DMXL1: variants seen among roughly 807,000 people sequenced by gnomAD.
DMXL1 encodes the protein dmX-like protein 1.
A neutral mutation model predicts 319.2 loss-of-function variants in DMXL1; 99 were observed. That is an observed-to-expected ratio of 0.31 (90% CI 0.26 to 0.37). The LOEUF is 0.37. Ranked by LOEUF, DMXL1 falls within the 10% of genes least tolerant of loss-of-function variation. DMXL1 has a pLI of 1.00. For missense variants in DMXL1, 3,745 were observed against 3,595.6 expected, an observed-to-expected ratio of 1.04 and a Z score of -1.06; for synonymous variants, 1,385 against 1,235.2, an observed-to-expected ratio of 1.12 and a Z score of -2.54.
intron 19 of DMXL1, among the ~76,000 whole-genome samples, chr5:119,162,451 C>G (rs1278255985): frequency 6.6e-6 from 1 of 152,162 alleles, no homozygotes; most frequent in Non-Finnish European, 1.5e-5. Context: ...GATTTGGTGT[C>G]TGGTAAGGGC....
Position 119,132,601 on chromosome 5 carries a change from C to T in DMXL1, c.1316-531C>T, listed in dbSNP as rs575387359. 5.0e-4 allele frequency: 147 copies of T among 295,632 alleles called. 2 individuals carry two copies. In the Middle Eastern group the frequency reaches 0.01, roughly 20 times the overall value. 18.3% of individuals were successfully genotyped at this position (295,632 alleles called of 1,614,324 possible). On this transcript the variant is annotated intron_variant, in intron 10 of 43. Transcript: ENST00000539542. ...AGGCTGAGGCGGAATTGCTTGGACC[C>T]GGGCAGCAGAGGTTGCAGTGAGCTG...
At chr5:119,220,349 G>A in intron 35 of DMXL1, 123 bp from the exon 36 acceptor site, 2 of 763,914 alleles carry the variant, frequency 2.6e-6, no homozygotes, top group Non-Finnish European at 4.1e-6. Flanking sequence ...TAAGAATGCT[G>A]TATATCCTGT....
chr5:119,162,607 C>G (rs1252896508), intron 19 of DMXL1, among the ~76,000 whole-genome samples: 1 of 152,188 alleles, frequency 6.6e-6, no homozygotes, highest in African/African-American at 2.4e-5. Context: ...CCTTAAGGCT[C>G]TGCCTGTTAA....
chr5:119,114,149 A>G lies in DMXL1; in HGVS notation c.498-326A>G, dbSNP rs566909652. On this transcript the variant is annotated intron_variant, in intron 5 of 43. Coordinates refer to ENST00000539542, the MANE Select transcript of DMXL1 (RefSeq NM_001290321.3). ...TCCATGAAAATGTATGTTGGCATATAGGGATCCATGGTTCTGGAAACTAGA... is the reference window on the plus strand; with the variant it reads ...TCCATGAAAATGTATGTTGGCATATGGGGATCCATGGTTCTGGAAACTAGA... Among the ~76,000 whole-genome samples the G allele has an allele frequency of 5.9e-5, 9 of 152,352 alleles. No homozygotes were observed. The South Asian group carries it at 1.9e-3, about 32-fold the overall frequency.
chr5:119,180,819 A>G (rs1436050319), intron 28 of DMXL1, among the ~76,000 whole-genome samples: 1 of 152,210 alleles, frequency 6.6e-6, no homozygotes, highest in Non-Finnish European at 1.5e-5. Context: ...AAATTGGCAA[A>G]TTAATTTTGA....
Position 119,150,292 on chromosome 5 carries a change from C to T in DMXL1, c.4465C>T (p.Leu1489Phe). ...CTTTGGACCTGAGCATGCTCAGGTT[C>T]TTTCTGGCCACTTACTTCATTCTAG... ...TYFGPEHAQV[L>F]SGHLLHSSLP... Residue 1489 changes from leucine (L) to phenylalanine (F), a missense_variant, in exon 18 of 44, where the codon CTT becomes TTT. By Grantham distance (22) the Leu-to-Phe change is conservative. This residue lies in a region of DMXL1 where 2,096 missense variants were observed against 1,985.4 expected (regional missense o/e 1.06). Coordinates refer to ENST00000539542, the MANE Select transcript of DMXL1 (RefSeq NM_001290321.3). The T allele has an allele frequency of 6.2e-7, 1 of 1,613,778 alleles. No individual in the cohort carries two copies. Among genetic ancestry groups the T allele is most frequent in the Non-Finnish European group, 8.5e-7 (1 of 1,179,840 alleles).
intron 1 of DMXL1, among the ~76,000 whole-genome samples, chr5:119,075,110 G>T (rs1189462386): frequency 6.6e-6 from 1 of 151,996 alleles, no homozygotes; most frequent in East Asian, 1.9e-4. Context: ...TTCATAAATC[G>T]TGGTTGAATT....
chr5:119,191,234 A>G (rs1219944932), intron 29 of DMXL1, among the ~76,000 whole-genome samples: 1 of 152,150 alleles, frequency 6.6e-6, no homozygotes, highest in Non-Finnish European at 1.5e-5. Context: ...CTGCCTATAT[A>G]AGTATCTTTC....
rs1769389187 is a variant in DMXL1 at position 119,149,919 on chromosome 5, A to G, written c.4092A>G (p.Glu1364=). ...AAGTTGTGGCTCTGAATGAAGCTGA[A>G]TCTAATCATGAACGCCGCCTTAGGT... ...AGEVVALNEA[E]SNHERRLRSL... Residue 1364 remains glutamate, a synonymous_variant, in exon 18 of 44, where the codon GAA becomes GAG. Transcript: ENST00000539542. 6.2e-7 allele frequency: 1 copy of G among 1,613,784 alleles called. No homozygotes were observed. Among genetic ancestry groups the G allele is most frequent in the Non-Finnish European group, 8.5e-7 (1 of 1,179,934 alleles).
At chr5:119,163,458 C>T (rs769854942) in intron 19 of DMXL1, among the ~76,000 whole-genome samples, 10 of 152,142 alleles carry the variant, frequency 6.6e-5, no homozygotes, top group Non-Finnish European at 1.2e-4. Context: ...ACTCTGTTGC[C>T]GAGGCTGGAG....
At chr5:119,202,952 A>C (rs1781093434) in intron 32 of DMXL1, among the ~76,000 whole-genome samples, 1 of 146,470 alleles carries the variant, frequency 6.8e-6, no homozygotes, top group South Asian at 2.1e-4. Flanking sequence ...CAGGTTATGC[A>C]TATAAGATGT....
At chr5:119,138,247 T>G (rs1470719438) in intron 13 of DMXL1, among the ~76,000 whole-genome samples, 2 of 152,108 alleles carry the variant, frequency 1.3e-5, no homozygotes, top group Admixed American at 1.3e-4. Context: ...ATGCGGTATG[T>G]GTGAGAAAAA....
At chr5:119,196,515 G>GTTTTTTTTTTTTTTTT in intron 31 of DMXL1, 59 bp downstream of exon 31, 1 of 559,966 alleles carries the variant, frequency 1.8e-6, no homozygotes, top group East Asian at 3.5e-5. Flanking sequence ...CTACTCTGTT[G>GTTTTTTTTTTTTTTTT]TTTTTTTTTT....
chr5:119,210,690 A>T (rs1399538791), intron 34 of DMXL1, among the ~76,000 whole-genome samples: 1 of 150,580 alleles, frequency 6.6e-6, no homozygotes, highest in Middle Eastern at 3.5e-3. Context: ...ATAATAAATC[A>T]TGAAGTCATG....
chr5:119,181,637 C>G (rs1398673209), intron 28 of DMXL1, among the ~76,000 whole-genome samples: 7 of 152,114 alleles, frequency 4.6e-5, no homozygotes, highest in African/African-American at 1.7e-4. Context: ...GCCTGGCCAA[C>G]AAGTGAAACA....
chr5:119,091,138 T>A (rs1460226550), intron 1 of DMXL1, among the ~76,000 whole-genome samples: 1 of 152,150 alleles, frequency 6.6e-6, no homozygotes, highest in East Asian at 1.9e-4. Flanking sequence ...AGCTCACATA[T>A]CGCCTACTGG....
chr5:119,126,156 G>C (rs1763518251), intron 9 of DMXL1, among the ~76,000 whole-genome samples: 2 of 152,138 alleles, frequency 1.3e-5, no homozygotes, highest in Admixed American at 1.3e-4. Context: ...GGTGGTGTCT[G>C]CCTTTAATCC....
At position 119,248,455 on chromosome 5, in the gene DMXL1, A is replaced by G. The variant is rs1053904148; in HGVS notation, c.*1236A>G. 1 of 152,624 alleles carries G rather than the reference A, an allele frequency of 6.6e-6. No individual in the cohort carries two copies. The highest frequency in any genetic ancestry group is 2.4e-5 in the African/African-American group (1 of 41,556). The allele number at this position is 152,624 out of a possible 1,614,324, so 9.5% of individuals were successfully genotyped here. A position where few individuals can be genotyped will look rare whatever the true frequency, so the allele number is the denominator to read the frequency against. On this transcript the variant is annotated 3_prime_UTR_variant, in exon 44 of 44. Coordinates refer to ENST00000539542, the MANE Select transcript of DMXL1 (RefSeq NM_001290321.3). ...CCTTTTCTGATTCAGAATTATAGAA[A>G]ACTTGATAAATACTTGATTTTAACC...
chr5:119,125,981 C>G (rs764576550), intron 9 of DMXL1, among the ~76,000 whole-genome samples: 8 of 152,008 alleles, frequency 5.3e-5, no homozygotes, highest in Non-Finnish European at 8.8e-5. Flanking sequence ...ATGGAAGAGT[C>G]AACTGTGTTA....
Sources: allele counts gnomAD v4.1 joint callset (sites outside exome capture counted in the v4.1 genomes callset), GRCh38; gene constraint gnomAD v4.1.1; regional missense constraint gnomAD v4.1.1; transcripts MANE v1.5; gene names NCBI Gene and HGNC (gene_info 2026-07-23, HGNC 2026-07-21).